C4orf51: variants seen among roughly 807,000 people sequenced by gnomAD.
The protein encoded by C4orf51 is uncharacterized protein C4orf51.
Under a neutral mutation model 25.2 loss-of-function variants are expected in C4orf51, and 25 were observed. The ratio of observed to expected loss-of-function variants is 0.99; its 90% CI spans 0.72 to 1.39. C4orf51 has a LOEUF of 1.39. C4orf51 is among the 40% of genes most tolerant of loss of function. C4orf51 has a pLI of 0.00. For missense variants in C4orf51, 252 were observed against 239.6 expected, an observed-to-expected ratio of 1.05 and a Z score of -0.34; for synonymous variants, 100 against 84.5, an observed-to-expected ratio of 1.18 and a Z score of -1.01.
At chr4:145,779,683 T>C in the C4orf51 span, among the ~76,000 whole-genome samples, 1,106 of 152,356 alleles carry the variant, frequency 7.3e-3, 13 homozygotes, top group African/African-American at 0.025. Context: ...AGAAGGCCGT[T>C]CTTGAAAGCT....
chr4:145,693,239 C>G (rs1439406481), intron 1 of C4orf51, among the ~76,000 whole-genome samples: 15 of 149,910 alleles, frequency 1.0e-4, no homozygotes, highest in South Asian at 4.3e-4. Flanking sequence ...TGACTCTTAA[C>G]GAGCATGCTG....
downstream of C4orf51, chr4:145,774,679 G>GAAAGGGTA: frequency 6.2e-7 from 1 of 1,612,360 alleles, no homozygotes; most frequent in Non-Finnish European, 8.5e-7. Flanking sequence ...ACAACTACAT[G>GAAAGGGTA]AAAGGGTAAA....
downstream of C4orf51, among the ~76,000 whole-genome samples, chr4:145,772,083 C>T (rs1736373782): frequency 6.6e-6 from 1 of 152,172 alleles, no homozygotes; most frequent in Non-Finnish European, 1.5e-5. Flanking sequence ...GTAACTTCCA[C>T]ATAGATTACA....
downstream of C4orf51, among the ~76,000 whole-genome samples, chr4:145,735,217 C>T (rs915450961): frequency 1.3e-5 from 2 of 152,126 alleles, no homozygotes; most frequent in African/African-American, 4.8e-5. Context: ...GTTTGCTCCT[C>T]CTGAGTGCAT....
Position 145,740,240 on chromosome 4 carries a change from C to CAAAAAAAAAAAAAAAAAAAAA in C4orf51, n.167+7632_167+7652dup, listed in dbSNP as rs60310006. Among the ~76,000 whole-genome samples, 29 of 104,828 alleles carry CAAAAAAAAAAAAAAAAAAAAA rather than the reference C, an allele frequency of 2.8e-4. 1 individual carries two copies. Among genetic ancestry groups the CAAAAAAAAAAAAAAAAAAAAA allele is most frequent in the African/African-American group, 9.8e-4 (24 of 24,410 alleles). 68.8% of individuals were successfully genotyped at this position (104,828 alleles called of 152,430 possible). On this transcript the variant is annotated intron_variant and non_coding_transcript_variant, in intron 1 of 1. Transcript: ENST00000508981. ...AATTATAGCTATCTCTCCCTTTCTGCAAAAAAAAAAAAAAAAAAAAAAAAA... is the reference window on the plus strand; with the variant it reads ...AATTATAGCTATCTCTCCCTTTCTGCAAAAAAAAAAAAAAAAAAAAAAAAAAAAAAAAAAAAAAAAAAAAAA...
intron 2 of C4orf51, among the ~76,000 whole-genome samples, chr4:145,709,973 G>A (rs1276423052): frequency 6.6e-6 from 1 of 152,168 alleles, no homozygotes; most frequent in Admixed American, 6.6e-5. Flanking sequence ...ACCATGCACA[G>A]AGGTTGAATG....
At chr4:145,718,772 C>T (rs1385132189) in intron 2 of C4orf51, among the ~76,000 whole-genome samples, 1 of 152,230 alleles carries the variant, frequency 6.6e-6, no homozygotes, top group African/African-American at 2.4e-5. Context: ...CATCCTGTTC[C>T]AGTTATAATG....
At chr4:145,729,498 T>C (rs1732326108) in intron 4 of C4orf51, among the ~76,000 whole-genome samples, 1 of 152,054 alleles carries the variant, frequency 6.6e-6, no homozygotes, top group Non-Finnish European at 1.5e-5. Context: ...AGACGGGGTT[T>C]CACCGTGTTA....
intron 4 of C4orf51, 75 bp from the exon 5 acceptor site, chr4:145,729,817 A>T: frequency 1.6e-6 from 2 of 1,239,932 alleles, no homozygotes; most frequent in Non-Finnish European, 2.4e-6. Context: ...AAGGTTTGGG[A>T]ATGTCAGGAA....
chr4:145,725,887 C>T (rs774659298), intron 2 of C4orf51, among the ~76,000 whole-genome samples: 8 of 152,220 alleles, frequency 5.3e-5, no homozygotes, highest in Non-Finnish European at 8.8e-5. Context: ...TTACTTAATT[C>T]ACTGAACTGT....
intron 2 of C4orf51, among the ~76,000 whole-genome samples, chr4:145,700,888 C>T (rs111989346): frequency 0.02 from 3,103 of 152,266 alleles, 56 homozygotes; most frequent in Non-Finnish European, 0.026. Context: ...GTCCAGCTTA[C>T]GGTTTAATTC....
At chr4:145,729,534 C>T (rs1379843330) in intron 4 of C4orf51, among the ~76,000 whole-genome samples, 13 of 152,086 alleles carry the variant, frequency 8.5e-5, no homozygotes, top group Non-Finnish European at 1.3e-4. Context: ...ATCTTCCGAC[C>T]TTGTGATCCT....
intron 1 of C4orf51, among the ~76,000 whole-genome samples, chr4:145,767,169 T>C (rs1735433047): frequency 6.6e-6 from 1 of 152,214 alleles, no homozygotes; most frequent in Admixed American, 6.5e-5. Flanking sequence ...GGTGACTGTA[T>C]TTCATATGTT....
chr4:145,714,175 C>A (rs1443945609), intron 2 of C4orf51, among the ~76,000 whole-genome samples: 1 of 152,164 alleles, frequency 6.6e-6, no homozygotes, highest in Non-Finnish European at 1.5e-5. Flanking sequence ...ACAAAAAGTT[C>A]ATGTGACCCA....
chr4:145,757,667 A>G (rs1734054890), downstream of C4orf51: 1 of 151,826 alleles, frequency 6.6e-6, no homozygotes, highest in Non-Finnish European at 1.5e-5. Context: ...AGTATATTAT[A>G]CTTTCAAACT....
At chr4:145,787,007 T>A in the C4orf51 span, among the ~76,000 whole-genome samples, 2 of 152,160 alleles carry the variant, frequency 1.3e-5, no homozygotes, top group Non-Finnish European at 2.9e-5. Context: ...ATGCCAGAAG[T>A]GTTGCTCATG....
chr4:145,680,403 T>C lies in C4orf51; in HGVS notation c.200T>C (p.Phe67Ser), dbSNP rs763385996. 6.2e-7 allele frequency: 1 copy of C among 1,613,908 alleles called. No homozygotes were observed. The highest frequency in any genetic ancestry group is 1.7e-5 in the Admixed American group (1 of 60,024). ...AAGTCCATGTGCAGCCAATTTTCTT[T>C]TAGAGCAGGACAGCATGAGCCTGAG... Reference protein sequence around the residue: ...LDKSMCSQFSFRAGQHEPECK... With the variant: ...LDKSMCSQFSSRAGQHEPECK... Residue 67 changes from phenylalanine to serine, a missense_variant, in exon 1 of 6, where the codon TTT becomes TCT. By Grantham distance (155) the Phe-to-Ser change is radical. Transcript: ENST00000438731.
At position 145,700,655 on chromosome 4, in the gene C4orf51, C is replaced by G. The variant is rs374635097; in HGVS notation, c.307+4023C>G. Among the ~76,000 whole-genome samples the G allele has an allele frequency of 3.3e-5, 5 of 152,256 alleles. No individual in the cohort carries two copies. The East Asian group carries it at 7.7e-4, about 24-fold the overall frequency. ...CAGGCATTATTTTACACATCAGTCCCTTCCTAGTCTCTGTGCCCAGTGCAA... is the reference window on the plus strand; with the variant it reads ...CAGGCATTATTTTACACATCAGTCCGTTCCTAGTCTCTGTGCCCAGTGCAA... On this transcript the variant is annotated intron_variant, in intron 2 of 5. Coordinates refer to ENST00000438731, the MANE Select transcript of C4orf51 (RefSeq NM_001080531.3).
chr4:145,764,689 C>A (rs1735014047), intron 1 of C4orf51: 1 of 378,018 alleles, frequency 2.6e-6, no homozygotes, highest in South Asian at 3.0e-5. Context: ...CAAGTCTGAA[C>A]AAAACTCAAG....
Sources: gnomAD v4.1 joint callset for allele counts (sites outside exome capture counted in the v4.1 genomes callset) on GRCh38, gnomAD v4.1.1 for gene constraint, MANE v1.5 for transcripts, NCBI Gene and HGNC (gene_info 2026-07-23, HGNC 2026-07-21) for gene names.